DCC: variants seen among roughly 807,000 people sequenced by gnomAD.
DCC encodes the protein DCC netrin 1 receptor.
In DCC, 58 loss-of-function variants were observed where a neutral mutation model predicts 172.5. The observed-to-expected ratio is 0.34, with a 90% CI of 0.27 to 0.42. DCC has a LOEUF of 0.42. Ranked by LOEUF, DCC falls within the 10% of genes least tolerant of loss-of-function variation. The pLI is 1.00. For synonymous variants in DCC, 709 were observed against 644.5 expected (o/e 1.10, Z -1.52); for missense variants, 1,740 against 1,791.0 (o/e 0.97, Z 0.51).
At chr18:52,494,966 G>C (rs2030684581) in intron 1 of DCC, among the ~76,000 whole-genome samples, 1 of 152,070 alleles carries the variant, frequency 6.6e-6, no homozygotes, top group Non-Finnish European at 1.5e-5. Context: ...GGAAGATAAA[G>C]TGGGAGCTCA....
chr18:52,725,706 C>T (rs755981952), intron 1 of DCC, among the ~76,000 whole-genome samples: 10 of 151,682 alleles, frequency 6.6e-5, no homozygotes, highest in African/African-American at 9.7e-5. Flanking sequence ...TCAACAAGGT[C>T]GATGATTTTG....
chr18:52,994,315 G>A (rs2041444691), intron 5 of DCC, among the ~76,000 whole-genome samples: 1 of 151,996 alleles, frequency 6.6e-6, no homozygotes. Context: ...ATTTAGGAAT[G>A]TGAGGAAAGT....
intron 12 of DCC, among the ~76,000 whole-genome samples, chr18:53,290,627 C>T (rs1423396939): frequency 2.0e-5 from 3 of 152,000 alleles, no homozygotes; most frequent in East Asian, 1.9e-4. Flanking sequence ...TTAATAGCCA[C>T]TTCTGTGGTT....
intron 12 of DCC, among the ~76,000 whole-genome samples, chr18:53,242,442 C>T (rs746087878): frequency 1.3e-5 from 2 of 152,120 alleles, no homozygotes; most frequent in Non-Finnish European, 2.9e-5. Flanking sequence ...GATATCTGCT[C>T]CATTTTCCCA....
intron 5 of DCC, among the ~76,000 whole-genome samples, chr18:52,930,527 C>G (rs1215448279): frequency 6.6e-6 from 1 of 152,160 alleles, no homozygotes; most frequent in African/African-American, 2.4e-5. Context: ...TACTTAAACC[C>G]TCACTGGCAG....
chr18:52,630,944 C>A (rs549627077), intron 1 of DCC, among the ~76,000 whole-genome samples: 1 of 152,208 alleles, frequency 6.6e-6, no homozygotes, highest in South Asian at 2.1e-4. Context: ...GTACTATGCC[C>A]TTAGTATGCC....
intron 7 of DCC, among the ~76,000 whole-genome samples, chr18:53,130,750 G>C (rs2043639180): frequency 6.6e-6 from 1 of 152,046 alleles, no homozygotes; most frequent in Non-Finnish European, 1.5e-5. Context: ...AGTGTCCTTA[G>C]GTTTGTGCTT....
At chr18:53,440,735 A>T (rs1912222483) in intron 22 of DCC, among the ~76,000 whole-genome samples, 1 of 152,198 alleles carries the variant, frequency 6.6e-6, no homozygotes, top group Non-Finnish European at 1.5e-5. Context: ...CCTAGGTTCT[A>T]GTTCAGTGAT....
intron 2 of DCC, among the ~76,000 whole-genome samples, chr18:52,890,941 C>T (rs1298370214): frequency 6.6e-6 from 1 of 152,038 alleles, no homozygotes; most frequent in Non-Finnish European, 1.5e-5. Context: ...TCTTCTCTTC[C>T]TTGAAAAGCG....
At chr18:52,765,793 C>G (rs2037240402) in intron 2 of DCC, among the ~76,000 whole-genome samples, 1 of 152,178 alleles carries the variant, frequency 6.6e-6, no homozygotes, top group African/African-American at 2.4e-5. Context: ...CAGAGCTAGT[C>G]AGCCTCAGAA....
chr18:53,363,306 G>T (rs1308709118), intron 15 of DCC, among the ~76,000 whole-genome samples: 1 of 152,040 alleles, frequency 6.6e-6, no homozygotes, highest in Non-Finnish European at 1.5e-5. Flanking sequence ...TTCTTCACTG[G>T]CATTTAGCAT....
At chr18:53,273,435 G>C (rs941062426) in intron 12 of DCC, among the ~76,000 whole-genome samples, 4 of 151,872 alleles carry the variant, frequency 2.6e-5, no homozygotes, top group African/African-American at 9.7e-5. Context: ...AAATTTGATT[G>C]GTAGGATTCA....
At chr18:52,676,286 G>A (rs191624219) in intron 1 of DCC, among the ~76,000 whole-genome samples, 2 of 152,256 alleles carry the variant, frequency 1.3e-5, no homozygotes, top group African/African-American at 4.8e-5. Flanking sequence ...AGGGTTTTGA[G>A]AGAATTAACT....
intron 2 of DCC, among the ~76,000 whole-genome samples, chr18:52,892,810 T>G (rs949020698): frequency 1.2e-4 from 19 of 152,272 alleles, no homozygotes; most frequent in African/African-American, 4.6e-4. Flanking sequence ...GTTTTCCATT[T>G]TCATTGTGCA....
Position 53,500,240 on chromosome 18 carries a change from A to G in DCC, c.4111+730A>G, listed in dbSNP as rs144733576. ...GGGGAGAGAGAGGCAGAGACAGAAG[A>G]AGGAGGAGAGGAGGAAAAGAAGAAA... On this transcript the variant is annotated intron_variant, in intron 27 of 28. Coordinates refer to ENST00000442544, the MANE Select transcript of DCC (RefSeq NM_005215.4). Among the ~76,000 whole-genome samples, 7 of 152,202 alleles carry G rather than the reference A, an allele frequency of 4.6e-5. No homozygotes were observed. The East Asian group carries it at 9.6e-4, about 21-fold the overall frequency.
At chr18:53,129,428 G>A (rs1482680267) in intron 7 of DCC, among the ~76,000 whole-genome samples, 2 of 151,836 alleles carry the variant, frequency 1.3e-5, no homozygotes, top group Non-Finnish European at 2.9e-5. Flanking sequence ...ATAAGACATA[G>A]GGCATTTTTA....
rs554434715 is a variant in DCC at position 52,895,219 on chromosome 18, C to T, written c.413-10825C>T. On this transcript the variant is annotated intron_variant, in intron 2 of 28. Transcript: ENST00000442544. ...TCCAAGTAGGCCCAACAAATATCAG[C>T]CGTATTCACAATCAACTTTTATGAG... Among the ~76,000 whole-genome samples the T allele has an allele frequency of 3.3e-5, 5 of 152,330 alleles. No individual in the cohort carries two copies. In the South Asian group the frequency reaches 8.3e-4, roughly 25 times the overall value.
chr18:53,253,330 C>T (rs927003719), intron 12 of DCC, among the ~76,000 whole-genome samples: 14 of 152,076 alleles, frequency 9.2e-5, no homozygotes, highest in Admixed American at 9.2e-4. Context: ...TATTATTTTA[C>T]TTAATACTGA....
chr18:53,069,834 C>G (rs2042628424), intron 7 of DCC, among the ~76,000 whole-genome samples: 1 of 152,036 alleles, frequency 6.6e-6, no homozygotes, highest in Admixed American at 6.6e-5. Context: ...ACAATCTACA[C>G]TTGCTTTGAG....
Sources: gnomAD v4.1 joint callset for allele counts (sites outside exome capture counted in the v4.1 genomes callset) on GRCh38, gnomAD v4.1.1 for gene constraint, MANE v1.5 for transcripts, NCBI Gene and HGNC (gene_info 2026-07-23, HGNC 2026-07-21) for gene names.